The following MYH11 variants were observed in gnomAD, a reference collection of about 807,000 sequenced individuals.
MYH11 encodes myosin-11.
MYH11 carries 80 observed loss-of-function variants against 246.6 expected under a neutral mutation model. The observed-to-expected ratio is 0.32, with a 90% CI of 0.27 to 0.39. MYH11 has a LOEUF of 0.39. MYH11 is among the 10% of genes least tolerant of loss of function. The probability of loss-of-function intolerance (pLI) is 1.00; values close to 1 mark genes in which losing one functional copy is unlikely to be tolerated. For synonymous variants in MYH11, 1,071 were observed against 1,015.5 expected (o/e 1.05, Z -1.04); for missense variants, 2,158 against 2,546.8 (o/e 0.85, Z 3.29).
chr16:15,756,616 T>A, intron 13 of MYH11, 102 bp from the exon 14 acceptor site: 1 of 1,183,946 alleles, frequency 8.4e-7, no homozygotes, highest in South Asian at 1.3e-5. Context: ...TCCGCCGAGA[T>A]CTGATACTGT....
chr16:15,849,116 G>A (rs2044270039), intron 1 of MYH11, among the ~76,000 whole-genome samples: 1 of 152,202 alleles, frequency 6.6e-6, no homozygotes, highest in Non-Finnish European at 1.5e-5. Flanking sequence ...AGGGTGGAGT[G>A]CAGTGGTGCA....
At chr16:15,756,794 T>G (rs1488772172) in intron 13 of MYH11, among the ~76,000 whole-genome samples, 4 of 5,688 alleles carry the variant, frequency 7.0e-4, no homozygotes, top group African/African-American at 3.5e-3. Flanking sequence ...TTCATAACTC[T>G]TTTTTTTTTT....
At chr16:15,719,162 T>G in intron 36 of MYH11, 58 bp downstream of exon 36, 1 of 1,513,032 alleles carries the variant, frequency 6.6e-7, no homozygotes, top group Non-Finnish European at 9.2e-7. Flanking sequence ...GGGTCGAGGA[T>G]GCTGCCTGTC....
intron 3 of MYH11, among the ~76,000 whole-genome samples, chr16:15,807,332 C>G (rs963600156): frequency 6.6e-6 from 1 of 151,926 alleles, no homozygotes; most frequent in Non-Finnish European, 1.5e-5. Context: ...AGTTCATGAC[C>G]CAGGGTGGGA....
At chr16:15,791,824 C>T (rs1014259935) in intron 4 of MYH11, 1 of 152,034 alleles carries the variant, frequency 6.6e-6, no homozygotes, top group Non-Finnish European at 1.5e-5. Flanking sequence ...CAGGTGCACA[C>T]CACCACAGCT....
intron 30 of MYH11, 102 bp from the exon 31 acceptor site, chr16:15,724,511 G>A (rs1250727072): frequency 6.2e-7 from 1 of 1,607,728 alleles, no homozygotes; most frequent in Non-Finnish European, 8.5e-7. Flanking sequence ...CTCCTCGTTG[G>A]AGAAACCCAA....
At chr16:15,805,707 T>C (rs1484266190) in intron 3 of MYH11, among the ~76,000 whole-genome samples, 1 of 150,320 alleles carries the variant, frequency 6.7e-6, no homozygotes, top group Admixed American at 6.6e-5. Flanking sequence ...AGCCCGGGAG[T>C]CCGAAACCAG....
At chr16:15,707,293 T>C (rs1359655416) in intron 40 of MYH11, among the ~76,000 whole-genome samples, 1 of 152,158 alleles carries the variant, frequency 6.6e-6, no homozygotes, top group African/African-American at 2.4e-5. Flanking sequence ...CCTCCCAAAG[T>C]GCTGGGATTA....
chr16:15,853,207 G>A (rs2044372896), intron 1 of MYH11, among the ~76,000 whole-genome samples: 1 of 152,054 alleles, frequency 6.6e-6, no homozygotes, highest in Admixed American at 6.5e-5. Context: ...GAACAGTGAT[G>A]CAATCAGGGC....
At chr16:15,735,629 C>T in intron 25 of MYH11, 51 bp from the exon 26 acceptor site, 1 of 1,605,284 alleles carries the variant, frequency 6.2e-7, no homozygotes, top group Non-Finnish European at 8.5e-7. Flanking sequence ...TTGGTTTCCT[C>T]TCTTACAATG....
At chr16:15,722,043 A>T (rs1159890218) in intron 31 of MYH11, among the ~76,000 whole-genome samples, 1 of 151,870 alleles carries the variant, frequency 6.6e-6, no homozygotes, top group Non-Finnish European at 1.5e-5. Flanking sequence ...TTTTAAGTAG[A>T]GATGTGGTTT....
chr16:15,738,476 G>T, intron 24 of MYH11, 89 bp downstream of exon 24: 1 of 1,285,362 alleles, frequency 7.8e-7, no homozygotes, highest in Non-Finnish European at 1.1e-6. Context: ...TCGCACCACT[G>T]CACTGCAGCC....
At chr16:15,738,508 A>G in intron 24 of MYH11, 57 bp downstream of exon 24, 1 of 1,513,150 alleles carries the variant, frequency 6.6e-7, no homozygotes. Flanking sequence ...GCAAGACCTC[A>G]TCTCTAAAAA....
intron 4 of MYH11, among the ~76,000 whole-genome samples, chr16:15,788,796 A>ATGTGTGTG (rs1491190476): frequency 2.1e-3 from 203 of 94,930 alleles, no homozygotes; most frequent in East Asian, 9.4e-3. Context: ...AGACCAGAAT[A>ATGTGTGTG]TATGTGTGTG....
At chr16:15,751,183 G>A (rs964757676) in intron 15 of MYH11, among the ~76,000 whole-genome samples, 10 of 150,726 alleles carry the variant, frequency 6.6e-5, no homozygotes, top group Admixed American at 1.3e-4. Flanking sequence ...TTATTGAGAC[G>A]GAGTTTCACT....
intron 15 of MYH11, among the ~76,000 whole-genome samples, chr16:15,753,167 C>T (rs189922021): frequency 6.6e-6 from 1 of 152,246 alleles, no homozygotes; most frequent in Admixed American, 6.5e-5. Context: ...TGAGCCCTGA[C>T]CTCAGGACCT....
At chr16:15,705,835 G>T (rs1262933224) in intron 40 of MYH11, among the ~76,000 whole-genome samples, 1 of 151,828 alleles carries the variant, frequency 6.6e-6, no homozygotes, top group East Asian at 1.9e-4. Context: ...CAAAAAATTA[G>T]CCGGGCGTGC....
chr16:15,718,025 TGAA>T (rs1342283981), intron 37 of MYH11: 32 of 509,366 alleles, frequency 6.3e-5, no homozygotes, highest in Middle Eastern at 1.1e-3. Flanking sequence ...GAAAACGCAA[TGAA>T]AGAGCATCCC....
chr16:15,723,201 G>A (rs1038947475), intron 31 of MYH11, among the ~76,000 whole-genome samples: 1 of 152,132 alleles, frequency 6.6e-6, no homozygotes, highest in Non-Finnish European at 1.5e-5. Context: ...TCACATGTAA[G>A]TTTTACCCCA....
Sources: gnomAD v4.1 joint callset for allele counts (sites outside exome capture counted in the v4.1 genomes callset) on GRCh38, gnomAD v4.1.1 for gene constraint, MANE v1.5 for transcripts, NCBI Gene and HGNC (gene_info 2026-07-23, HGNC 2026-07-21) for gene names.